Variants in ADAMTS18 observed in about 807,000 individuals in gnomAD.
ADAMTS18 encodes A disintegrin and metalloproteinase with thrombospondin motifs 18.
A neutral mutation model predicts 165.9 loss-of-function variants in ADAMTS18; 157 were observed. The observed-to-expected ratio is 0.95, with a 90% CI of 0.83 to 1.08. The LOEUF is 1.08. Among genes scored for constraint, ADAMTS18 ranks in the 50% least tolerant of loss-of-function variants. The pLI is 0.00. For synonymous variants in ADAMTS18, 782 were observed against 578.2 expected, an observed-to-expected ratio of 1.35 and a Z score of -5.06; for missense variants, 2,040 against 1,534.0, an observed-to-expected ratio of 1.33 and a Z score of -5.51.
At chr16:77,334,801 ACTATAGTATACAG>A (rs1245914539) in intron 12 of ADAMTS18, among the ~76,000 whole-genome samples, 2 of 113,298 alleles carry the variant, frequency 1.8e-5, no homozygotes, top group African/African-American at 3.5e-5. Context: ...TATACTATAT[ACTATAGTATACAG>A]TATATATACT....
At chr16:77,381,586 G>A (rs1000637948) in intron 3 of ADAMTS18, among the ~76,000 whole-genome samples, 4 of 151,978 alleles carry the variant, frequency 2.6e-5, no homozygotes, top group Admixed American at 6.6e-5. Context: ...GGTGGATCAC[G>A]AGGTCAGAAG....
Position 77,434,747 on chromosome 16 carries a change from G to A in ADAMTS18, c.-52C>T. ...GGTGGCCAGACGCGGCAGGCGGAGC[G>A]CACGGGCGGCGCGCATTCTTTCCGC... On this transcript the variant is annotated 5_prime_UTR_variant, in exon 1 of 23. Coordinates refer to ENST00000282849, the MANE Select transcript of ADAMTS18 (RefSeq NM_199355.4). 1 of 1,349,506 alleles carries A rather than the reference G, an allele frequency of 7.4e-7. No homozygotes were observed. Among genetic ancestry groups the A allele is most frequent in the Admixed American group, 3.3e-5 (1 of 30,554 alleles). The allele number at this position is 1,349,506 out of a possible 1,614,324, so 83.6% of individuals were successfully genotyped here.
intron 3 of ADAMTS18, among the ~76,000 whole-genome samples, chr16:77,382,468 C>G (rs1260031700): frequency 6.6e-6 from 1 of 152,170 alleles, no homozygotes; most frequent in East Asian, 1.9e-4. Context: ...TCTCGGCCTC[C>G]CAAAGTGCTG....
rs555212546 is a variant in ADAMTS18 at position 77,329,548 on chromosome 16, CAG to C, written c.1860-3512_1860-3511del. On this transcript the variant is annotated intron_variant, in intron 12 of 22. Coordinates refer to ENST00000282849, the MANE Select transcript of ADAMTS18 (RefSeq NM_199355.4). ...AAAGAATGTAGGGCAGTATCTAGGG[CAG>C]AGTCAGAATAAATAAATTATAACTA... Among the ~76,000 whole-genome samples, 151 of 152,242 alleles carry C rather than the reference CAG, an allele frequency of 9.9e-4. 2 individuals are homozygous for C. Among genetic ancestry groups the C allele is most frequent in the African/African-American group, 3.4e-3 (143 of 41,546 alleles).
chr16:77,361,034 C>T (rs1167586983), intron 7 of ADAMTS18, among the ~76,000 whole-genome samples: 1 of 151,894 alleles, frequency 6.6e-6, no homozygotes, highest in Non-Finnish European at 1.5e-5. Flanking sequence ...TGCAGTGAGC[C>T]GAAATCACGC....
At chr16:77,296,904 A>C (rs529700688) in intron 18 of ADAMTS18, among the ~76,000 whole-genome samples, 1 of 152,360 alleles carries the variant, frequency 6.6e-6, no homozygotes, top group Admixed American at 6.5e-5. Flanking sequence ...CCTGGCTATC[A>C]AGCCAAAGTC....
At chr16:77,320,166 C>A (rs1389601715) in intron 15 of ADAMTS18, 73 bp from the exon 16 acceptor site, 1 of 1,575,906 alleles carries the variant, frequency 6.3e-7, no homozygotes, top group African/African-American at 1.4e-5. Context: ...AATGGCCCGA[C>A]ATGTAGTGTT....
At chr16:77,337,212 C>T (rs569621540) in intron 11 of ADAMTS18, among the ~76,000 whole-genome samples, 4 of 152,144 alleles carry the variant, frequency 2.6e-5, no homozygotes, top group East Asian at 1.9e-4. Context: ...GGAAGGCTAT[C>T]GGTCATTTGA....
chr16:77,350,668 ACTGT>A (rs1000076494), intron 10 of ADAMTS18, among the ~76,000 whole-genome samples: 1 of 152,100 alleles, frequency 6.6e-6, no homozygotes, highest in Non-Finnish European at 1.5e-5. Context: ...AAAATTGAAG[ACTGT>A]CTAACTCAGC....
intron 3 of ADAMTS18, among the ~76,000 whole-genome samples, chr16:77,427,634 A>G (rs2057690184): frequency 6.6e-6 from 1 of 152,206 alleles, no homozygotes; most frequent in African/African-American, 2.4e-5. Context: ...AGGTTACCCT[A>G]TAAAAGCATT....
At chr16:77,391,487 G>A (rs1258390480) in intron 3 of ADAMTS18, among the ~76,000 whole-genome samples, 2 of 135,042 alleles carry the variant, frequency 1.5e-5, no homozygotes, top group African/African-American at 2.8e-5. Flanking sequence ...GCAAGACTCA[G>A]TCTCAAAAAA....
chr16:77,282,912 T>TA lies in ADAMTS18; in HGVS notation c.*1043_*1044insT, dbSNP rs1209681616. 2 of 146,204 alleles carry TA rather than the reference T, an allele frequency of 1.4e-5. No homozygotes were observed. Among genetic ancestry groups the TA allele is most frequent in the Admixed American group, 1.4e-4 (2 of 14,630 alleles). The allele number at this position is 146,204 out of a possible 1,614,324, so 9.1% of individuals were successfully genotyped here. On this transcript the variant is annotated 3_prime_UTR_variant, in exon 23 of 23. Coordinates refer to ENST00000282849, the MANE Select transcript of ADAMTS18 (RefSeq NM_199355.4). Reference sequence around the variant, plus strand: ...TTTACTCCTTTCTTTCTCTCTTTTTTTTTTTTTTTTTTTTGCTGTTAGCTC... The same window carrying TA: ...TTTACTCCTTTCTTTCTCTCTTTTTTATTTTTTTTTTTTTTGCTGTTAGCTC...
intron 10 of ADAMTS18, among the ~76,000 whole-genome samples, chr16:77,346,125 A>G (rs2056472336): frequency 1.3e-5 from 2 of 152,190 alleles, no homozygotes; most frequent in Admixed American, 1.3e-4. Context: ...GTCTTTGCCT[A>G]AATTTCACCT....
intron 10 of ADAMTS18, among the ~76,000 whole-genome samples, chr16:77,347,072 T>C (rs964224171): frequency 2.6e-5 from 4 of 152,208 alleles, no homozygotes; most frequent in South Asian, 2.1e-4. Flanking sequence ...AATGTACTCT[T>C]TTGTTCGGCA....
At chr16:77,386,373 C>T (rs1445326832) in intron 3 of ADAMTS18, among the ~76,000 whole-genome samples, 1 of 152,212 alleles carries the variant, frequency 6.6e-6, no homozygotes, top group Non-Finnish European at 1.5e-5. Flanking sequence ...CCTATACCTG[C>T]AGGCCCAACC....
chr16:77,400,458 G>GTGTC (rs1555525328), intron 3 of ADAMTS18, among the ~76,000 whole-genome samples: 780 of 46,424 alleles, frequency 0.017, 7 homozygotes, highest in African/African-American at 0.033. Flanking sequence ...GTGTGTGTCT[G>GTGTC]TGTGTGTGTG....
At chr16:77,324,733 GAATT>G (rs1299915486) in intron 13 of ADAMTS18, among the ~76,000 whole-genome samples, 1 of 152,202 alleles carries the variant, frequency 6.6e-6, no homozygotes, top group Non-Finnish European at 1.5e-5. Flanking sequence ...CTCAGCCCTT[GAATT>G]AATTCTGTTA....
At chr16:77,406,494 A>G (rs1567545626) in intron 3 of ADAMTS18, among the ~76,000 whole-genome samples, 1 of 152,132 alleles carries the variant, frequency 6.6e-6, no homozygotes, top group Non-Finnish European at 1.5e-5. Flanking sequence ...ACAATAAACA[A>G]TAAATAAATA....
intron 3 of ADAMTS18, among the ~76,000 whole-genome samples, chr16:77,373,573 G>C (rs1410610459): frequency 6.6e-6 from 1 of 152,132 alleles, no homozygotes; most frequent in African/African-American, 2.4e-5. Flanking sequence ...AAGAGTAGGA[G>C]TGGAGATGAG....
Sources: gnomAD v4.1 joint callset for allele counts (sites outside exome capture counted in the v4.1 genomes callset) on GRCh38, gnomAD v4.1.1 for gene constraint, MANE v1.5 for transcripts, NCBI Gene and HGNC (gene_info 2026-07-23, HGNC 2026-07-21) for gene names.